CDH12: variants seen among roughly 807,000 people sequenced by gnomAD.
The protein encoded by CDH12 is cadherin 12, also known as cadherin-12.
A neutral mutation model predicts 74.1 loss-of-function variants in CDH12; 41 were observed. That is an observed-to-expected ratio of 0.55 (90% CI 0.43 to 0.72). The LOEUF is 0.72. CDH12 is among the 30% of genes least tolerant of loss of function. The pLI is 0.00. For synonymous variants in CDH12, 399 were observed against 355.0 expected, an observed-to-expected ratio of 1.12 and a Z score of -1.39; for missense variants, 945 against 977.2, an observed-to-expected ratio of 0.97 and a Z score of 0.44.
chr5:22,091,490 C>A (rs915807475), intron 4 of CDH12, among the ~76,000 whole-genome samples: 15 of 151,532 alleles, frequency 9.9e-5, no homozygotes, highest in South Asian at 2.1e-4. Flanking sequence ...ATATTTAGAT[C>A]AAAACCTAAC....
chr5:22,065,206 A>G (rs2150210238), intron 5 of CDH12, among the ~76,000 whole-genome samples: 1 of 152,218 alleles, frequency 6.6e-6, no homozygotes, highest in South Asian at 2.1e-4. Context: ...AAGTCTTTGC[A>G]TGGCCCTGAA....
chr5:21,979,146 T>C (rs547242833), intron 5 of CDH12, among the ~76,000 whole-genome samples: 1 of 152,320 alleles, frequency 6.6e-6, no homozygotes, highest in Admixed American at 6.5e-5. Context: ...CTTTCCTTTG[T>C]AGCCATTTAA....
At chr5:22,497,441 G>A (rs577605462) in intron 2 of CDH12, among the ~76,000 whole-genome samples, 6 of 151,916 alleles carry the variant, frequency 3.9e-5, no homozygotes, top group African/African-American at 7.2e-5. Context: ...TTGCTCACCC[G>A]TTATTCTGCT....
At chr5:22,059,921 G>C (rs1460780099) in intron 5 of CDH12, among the ~76,000 whole-genome samples, 1 of 152,110 alleles carries the variant, frequency 6.6e-6, no homozygotes, top group Non-Finnish European at 1.5e-5. Context: ...CAGTGGCTGA[G>C]AGACAACTTA....
At chr5:22,499,745 T>C (rs1052980920) in intron 2 of CDH12, among the ~76,000 whole-genome samples, 2 of 152,150 alleles carry the variant, frequency 1.3e-5, no homozygotes, top group African/African-American at 4.8e-5. Flanking sequence ...GTATCTGGCA[T>C]GTTATTCTGG....
intron 4 of CDH12, among the ~76,000 whole-genome samples, chr5:22,178,790 T>C (rs1749476523): frequency 6.6e-6 from 1 of 152,258 alleles, no homozygotes; most frequent in South Asian, 2.1e-4. Context: ...CATGAAAATG[T>C]TGGCATCTTT....
At chr5:22,451,745 T>C (rs565771990) in intron 2 of CDH12, among the ~76,000 whole-genome samples, 112 of 151,958 alleles carry the variant, frequency 7.4e-4, no homozygotes, top group African/African-American at 2.6e-3. Flanking sequence ...AATAAAGAAG[T>C]TCCACATTGG....
chr5:22,513,099 T>C (rs1248983661), intron 1 of CDH12, among the ~76,000 whole-genome samples: 1 of 152,086 alleles, frequency 6.6e-6, no homozygotes, highest in Non-Finnish European at 1.5e-5. Flanking sequence ...AAACACCATG[T>C]TATAAAAGAA....
chr5:21,846,838 C>A (rs369906159), intron 7 of CDH12, among the ~76,000 whole-genome samples: 122 of 152,062 alleles, frequency 8.0e-4, no homozygotes, highest in African/African-American at 2.8e-3. Context: ...TGAATAATGT[C>A]ATAAAAGAAG....
intron 5 of CDH12, among the ~76,000 whole-genome samples, chr5:21,995,586 T>G (rs1736237133): frequency 6.6e-6 from 1 of 151,700 alleles, no homozygotes; most frequent in Non-Finnish European, 1.5e-5. Flanking sequence ...TGTGGAAAAA[T>G]GCGGGGCCAG....
intron 4 of CDH12, among the ~76,000 whole-genome samples, chr5:22,099,217 G>A (rs1047462497): frequency 3.3e-5 from 5 of 152,180 alleles, no homozygotes; most frequent in South Asian, 4.2e-4. Flanking sequence ...TCCTCAGTTT[G>A]GCCTTCCCAC....
intron 11 of CDH12, among the ~76,000 whole-genome samples, chr5:21,780,163 T>C (rs1745824696): frequency 6.6e-6 from 1 of 152,202 alleles, no homozygotes; most frequent in Non-Finnish European, 1.5e-5. Flanking sequence ...TTAGCCTCCA[T>C]ACCCTGTGGA....
Position 22,080,692 on chromosome 5 carries a change from C to CT in CDH12, c.-186-1831dup, listed in dbSNP as rs368025431. On this transcript the variant is annotated intron_variant, in intron 4 of 14. Transcript: ENST00000382254. The stretch of plus-strand genomic sequence containing the variant: ...GACAGTACAAAAAATAGGAAGGTAT[C>CT]TTTTTTTTTATCACTTGACATGATA... Among the ~76,000 whole-genome samples the CT allele has an allele frequency of 9.2e-3, 1,397 of 151,424 alleles. 15 individuals carry two copies. Among genetic ancestry groups the CT allele is most frequent in the African/African-American group, 0.031 (1,293 of 41,298 alleles).
chr5:22,337,038 T>A (rs183254334), intron 3 of CDH12, among the ~76,000 whole-genome samples: 3 of 152,318 alleles, frequency 2.0e-5, no homozygotes, highest in Non-Finnish European at 2.9e-5. Context: ...AAGTGTGACC[T>A]GAATGGGAGA....
intron 4 of CDH12, among the ~76,000 whole-genome samples, chr5:22,106,006 A>G (rs371960949): frequency 1.3e-5 from 2 of 152,292 alleles, no homozygotes; most frequent in East Asian, 1.9e-4. Context: ...TATATGTCCT[A>G]TGATTGGTTT....
At chr5:22,752,210 TG>T (rs1580961195) in intron 1 of CDH12, among the ~76,000 whole-genome samples, 1 of 152,330 alleles carries the variant, frequency 6.6e-6, no homozygotes, top group East Asian at 1.9e-4. Context: ...AATCCCATTA[TG>T]GAAAATGTTT....
At chr5:22,071,545 A>G (rs1741938072) in intron 5 of CDH12, among the ~76,000 whole-genome samples, 1 of 152,042 alleles carries the variant, frequency 6.6e-6, no homozygotes, top group Non-Finnish European at 1.5e-5. Flanking sequence ...CATGACACTA[A>G]TGCTTGCCTT....
intron 1 of CDH12, among the ~76,000 whole-genome samples, chr5:22,818,176 T>G (rs1051015586): frequency 1.3e-5 from 2 of 152,172 alleles, no homozygotes; most frequent in African/African-American, 2.4e-5. Context: ...AGAGTAGTCA[T>G]TGCTGTCTTG....
At chr5:22,760,678 C>CAAAAAA (rs11284255) in intron 1 of CDH12, among the ~76,000 whole-genome samples, 80 of 63,368 alleles carry the variant, frequency 1.3e-3, no homozygotes, top group Non-Finnish European at 1.5e-3. Context: ...GACTCCGTCT[C>CAAAAAA]AAAAAAAAAA....
Sources: allele counts gnomAD v4.1 joint callset (sites outside exome capture counted in the v4.1 genomes callset), GRCh38; gene constraint gnomAD v4.1.1; transcripts MANE v1.5; gene names NCBI Gene and HGNC (gene_info 2026-07-23, HGNC 2026-07-21).